Variants in PDGFD observed in about 807,000 individuals in gnomAD.
PDGFD encodes the protein platelet-derived growth factor D.
Under a neutral mutation model 44.7 loss-of-function variants are expected in PDGFD, and 30 were observed. That is an observed-to-expected ratio of 0.67 (90% CI 0.50 to 0.91). PDGFD has a LOEUF of 0.91. Ranked by LOEUF, PDGFD falls within the 40% of genes least tolerant of loss-of-function variation. The pLI is 0.00. For missense variants in PDGFD, 445 were observed against 457.8 expected, an observed-to-expected ratio of 0.97 and a Z score of 0.25; for synonymous variants, 173 against 168.4, an observed-to-expected ratio of 1.03 and a Z score of -0.21.
chr11:104,103,574 C>A (rs541788381), intron 1 of PDGFD, among the ~76,000 whole-genome samples: 1 of 150,764 alleles, frequency 6.6e-6, no homozygotes, highest in African/African-American at 2.4e-5. Flanking sequence ...CATATACAGT[C>A]ATAAACTGCA....
chr11:104,041,133 T>C (rs561054530), intron 1 of PDGFD, among the ~76,000 whole-genome samples: 3 of 152,164 alleles, frequency 2.0e-5, no homozygotes, highest in African/African-American at 7.2e-5. Context: ...ACTCAGAATA[T>C]ATACAACAAT....
chr11:104,146,681 A>G (rs1043720245), intron 1 of PDGFD, among the ~76,000 whole-genome samples: 1 of 152,174 alleles, frequency 6.6e-6, no homozygotes, highest in Admixed American at 6.5e-5. Context: ...CATTAGCATC[A>G]AAGTTAGTCC....
rs1055953625 is a variant in PDGFD at position 104,046,664 on chromosome 11, C to T, written c.125-46409G>A. Among the ~76,000 whole-genome samples, 10 of 147,258 alleles carry T rather than the reference C, an allele frequency of 6.8e-5. 1 individual carries two copies. The highest frequency in any genetic ancestry group is 6.1e-4 in the Admixed American group (9 of 14,704). On this transcript the variant is annotated intron_variant, in intron 1 of 6. Coordinates refer to ENST00000393158, the MANE Select transcript of PDGFD (RefSeq NM_025208.5). ...CTCTTTTTCAGTAAGTATTCAATAA[C>T]AAATCTGTTTAAGTTGTATAAAAAA...
At chr11:104,017,854 G>A (rs986105052) in intron 1 of PDGFD, among the ~76,000 whole-genome samples, 1 of 152,162 alleles carries the variant, frequency 6.6e-6, no homozygotes, top group African/African-American at 2.4e-5. Context: ...GAGCACCATC[G>A]ATAAGATCCT....
intron 1 of PDGFD, among the ~76,000 whole-genome samples, chr11:104,075,671 C>A (rs1030884540): frequency 2.6e-5 from 4 of 151,832 alleles, no homozygotes; most frequent in Non-Finnish European, 5.9e-5. Context: ...ATTTTTATAC[C>A]TTAATAACCT....
At chr11:103,926,541 T>A (rs570635457) in intron 6 of PDGFD, among the ~76,000 whole-genome samples, 5 of 152,356 alleles carry the variant, frequency 3.3e-5, no homozygotes, top group Admixed American at 3.3e-4. Context: ...AAGGTTTTGC[T>A]TATGAGATTG....
rs572746356 is a variant in PDGFD, at chr11:103,963,824, C to T, written c.511-16100G>A. ...CTATGCATATGCTAGCTAATTTATG[C>T]AGGAATTTAGCTTGTTCTTGGACTG... On this transcript the variant is annotated intron_variant, in intron 3 of 6. Transcript: ENST00000393158. 2.0e-5 allele frequency among the ~76,000 whole-genome samples: 3 copies of T among 152,038 alleles called. No homozygotes were observed. In the South Asian group the frequency reaches 6.3e-4, roughly 32 times the overall value.
rs1857997597 is a variant in PDGFD, at chr11:103,909,682, G to A, written c.*12C>T. 1.9e-6 allele frequency: 3 copies of A among 1,613,918 alleles called. No individual in the cohort carries two copies. Among genetic ancestry groups the A allele is most frequent in the Non-Finnish European group, 8.5e-7 (1 of 1,179,828 alleles). ...GTTCTTTCAGGCTTAATGTAAGGAT[G>A]TGCACATTCTCTTATCGAGGTGGTC... On this transcript the variant is annotated 3_prime_UTR_variant, in exon 7 of 7. Transcript: ENST00000393158.
At chr11:104,082,452 A>G (rs1459799704) in intron 1 of PDGFD, among the ~76,000 whole-genome samples, 2 of 151,840 alleles carry the variant, frequency 1.3e-5, no homozygotes, top group African/African-American at 4.8e-5. Context: ...TTTTTCCACT[A>G]TATAGGTTAT....
intron 1 of PDGFD, among the ~76,000 whole-genome samples, chr11:104,139,755 C>CTTGTCTGTCTGAACGA (rs1591183218): frequency 2.3e-5 from 2 of 86,074 alleles, no homozygotes; most frequent in Admixed American, 1.1e-4. Context: ...TAATAAATAA[C>CTTGTCTGTCTGAACGA]GGCCGGGCGC....
chr11:104,095,235 T>C (rs1183865476), intron 1 of PDGFD, among the ~76,000 whole-genome samples: 1 of 152,184 alleles, frequency 6.6e-6, no homozygotes, highest in Non-Finnish European at 1.5e-5. Flanking sequence ...CTCTTCACTC[T>C]TTAGTGTCAC....
At chr11:103,996,700 A>G (rs1326547555) in intron 2 of PDGFD, among the ~76,000 whole-genome samples, 2 of 152,240 alleles carry the variant, frequency 1.3e-5, no homozygotes, top group Non-Finnish European at 2.9e-5. Context: ...CTATATCTAT[A>G]TAGCTTACAA....
chr11:104,025,883 T>G (rs1024823043), intron 1 of PDGFD, among the ~76,000 whole-genome samples: 4 of 152,228 alleles, frequency 2.6e-5, no homozygotes, highest in African/African-American at 9.6e-5. Flanking sequence ...GTAGCATCTT[T>G]CTAAACCTGC....
intron 3 of PDGFD, among the ~76,000 whole-genome samples, chr11:103,995,421 G>C (rs1379958980): frequency 6.6e-6 from 1 of 152,162 alleles, no homozygotes; most frequent in Non-Finnish European, 1.5e-5. Flanking sequence ...TTATAAGGTT[G>C]AACATTTTCT....
chr11:103,961,568 C>A (rs1270947339), intron 3 of PDGFD, among the ~76,000 whole-genome samples: 1 of 152,096 alleles, frequency 6.6e-6, no homozygotes. Flanking sequence ...CCCAAAGTAA[C>A]AGACAGGAAA....
At chr11:104,160,069 G>A (rs1862367739) in intron 1 of PDGFD, among the ~76,000 whole-genome samples, 1 of 152,176 alleles carries the variant, frequency 6.6e-6, no homozygotes, top group Non-Finnish European at 1.5e-5. Context: ...ATTGTTCTCT[G>A]TTGTGTTGCC....
At chr11:104,090,065 A>C (rs1373947881) in intron 1 of PDGFD, among the ~76,000 whole-genome samples, 1 of 152,196 alleles carries the variant, frequency 6.6e-6, no homozygotes, top group East Asian at 1.9e-4. Context: ...AATTTTTATA[A>C]GAGTGATTAC....
intron 6 of PDGFD, among the ~76,000 whole-genome samples, chr11:103,916,722 A>G (rs1490188224): frequency 6.6e-6 from 1 of 152,220 alleles, no homozygotes; most frequent in East Asian, 1.9e-4. Context: ...GATAAAGAAA[A>G]CATGGCACAT....
intron 1 of PDGFD, among the ~76,000 whole-genome samples, chr11:104,022,219 TTA>T: frequency 6.6e-6 from 1 of 152,284 alleles, no homozygotes; most frequent in African/African-American, 2.4e-5. Context: ...CTTAAAATAG[TTA>T]TGATAAAGTA....
Sources: allele counts gnomAD v4.1 joint callset (sites outside exome capture counted in the v4.1 genomes callset), GRCh38; gene constraint gnomAD v4.1.1; transcripts MANE v1.5; gene names NCBI Gene and HGNC (gene_info 2026-07-23, HGNC 2026-07-21).